The following WDFY4 variants were observed in gnomAD, a reference collection of about 807,000 sequenced individuals.
WDFY4 encodes WD repeat- and FYVE domain-containing protein 4.
WDFY4 carries 169 observed loss-of-function variants against 351.9 expected under a neutral mutation model. The ratio of observed to expected loss-of-function variants is 0.48; its 90% CI spans 0.42 to 0.55. The LOEUF (loss-of-function observed/expected upper bound fraction) is 0.55, where lower values mean the gene tolerates loss of function less well. Ranked by LOEUF, WDFY4 falls within the 20% of genes least tolerant of loss-of-function variation. The probability of loss-of-function intolerance (pLI) is 0.00; values close to 1 mark genes in which losing one functional copy is unlikely to be tolerated. For missense variants in WDFY4, 3,803 were observed against 3,935.6 expected (o/e 0.97, Z 0.90); for synonymous variants, 1,622 against 1,574.6 (o/e 1.03, Z -0.71).
At chr10:48,814,283 G>C (rs946975463) in intron 31 of WDFY4, among the ~76,000 whole-genome samples, 7 of 152,228 alleles carry the variant, frequency 4.6e-5, no homozygotes, top group Admixed American at 3.3e-4. Flanking sequence ...AGCTTTATGT[G>C]CTCTTGCAGG....
rs757315035 is a variant in WDFY4, at chr10:48,910,258, T to C, written c.7586+8395T>C. 5.6e-6 allele frequency: 9 copies of C among 1,613,690 alleles called. No individual in the cohort carries two copies. The African/African-American group carries it at 1.2e-4, about 22-fold the overall frequency. ...TACTCTAGGAAGATGTCAAGCGTATTCTGGGGATGGAGACACAAGAAGGTG... is the reference window on the plus strand; with the variant it reads ...TACTCTAGGAAGATGTCAAGCGTATCCTGGGGATGGAGACACAAGAAGGTG... On this transcript the variant is annotated intron_variant, in intron 47 of 61. Coordinates refer to ENST00000325239, the MANE Select transcript of WDFY4 (RefSeq NM_001394531.1).
chr10:48,939,808 T>C (rs1840658080), intron 47 of WDFY4, among the ~76,000 whole-genome samples: 1 of 152,186 alleles, frequency 6.6e-6, no homozygotes. Flanking sequence ...CCAGAAATAA[T>C]GGAACTTCCT....
intron 50 of WDFY4, 27 bp from the exon 51 acceptor site, chr10:48,946,833 G>A (rs767101488): frequency 3.3e-6 from 5 of 1,522,826 alleles, no homozygotes; most frequent in East Asian, 2.5e-5. Flanking sequence ...TAAGGAAGCA[G>A]CCCTCAAGCA....
intron 12 of WDFY4, among the ~76,000 whole-genome samples, chr10:48,750,895 G>A (rs1030617014): frequency 1.7e-4 from 26 of 152,214 alleles, no homozygotes; most frequent in Admixed American, 5.2e-4. Context: ...AGCTACATCA[G>A]GGACCCCTGT....
intron 12 of WDFY4, among the ~76,000 whole-genome samples, chr10:48,747,942 G>A (rs536492785): frequency 1.3e-5 from 2 of 152,276 alleles, no homozygotes; most frequent in South Asian, 2.1e-4. Context: ...CCTTCTGTAG[G>A]TATGGGAATG....
chr10:48,842,472 G>A (rs558812466), intron 39 of WDFY4, among the ~76,000 whole-genome samples: 4 of 152,116 alleles, frequency 2.6e-5, no homozygotes, highest in Non-Finnish European at 5.9e-5. Context: ...GGTGCGGTCC[G>A]CGGCTGCCCA....
intron 47 of WDFY4, among the ~76,000 whole-genome samples, chr10:48,925,540 G>T (rs1839499028): frequency 6.6e-6 from 1 of 152,174 alleles, no homozygotes; most frequent in Non-Finnish European, 1.5e-5. Flanking sequence ...GATTCCTTGG[G>T]GGTATAAACA....
chr10:48,745,681 G>A, intron 12 of WDFY4: 1 of 573,896 alleles, frequency 1.7e-6, no homozygotes, highest in Admixed American at 2.2e-5. Context: ...CTCCAGGGTG[G>A]CTGTCACTGC....
chr10:48,716,757 G>A (rs949581011), intron 2 of WDFY4, among the ~76,000 whole-genome samples: 1 of 152,226 alleles, frequency 6.6e-6, no homozygotes, highest in Non-Finnish European at 1.5e-5. Context: ...CGATATAGAT[G>A]CTTCTGAGTC....
chr10:48,928,855 C>T (rs1839808661), intron 47 of WDFY4, among the ~76,000 whole-genome samples: 1 of 152,190 alleles, frequency 6.6e-6, no homozygotes, highest in Non-Finnish European at 1.5e-5. Context: ...CTTCCCACAG[C>T]CCTTTGAAGT....
chr10:48,752,691 T>C (rs1428608960), intron 12 of WDFY4, among the ~76,000 whole-genome samples: 2 of 152,268 alleles, frequency 1.3e-5, no homozygotes, highest in Non-Finnish European at 2.9e-5. Flanking sequence ...TTCATTTACA[T>C]TGTAACGTAT....
intron 47 of WDFY4, among the ~76,000 whole-genome samples, chr10:48,927,803 G>A (rs1839699666): frequency 6.6e-6 from 1 of 152,170 alleles, no homozygotes; most frequent in Non-Finnish European, 1.5e-5. Context: ...TTTCTTATTG[G>A]TTTAATAGCA....
rs566700983 is a variant in WDFY4, at chr10:48,734,696, G to A, written c.1687+661G>A. 4.7e-4 allele frequency among the ~76,000 whole-genome samples: 71 copies of A among 152,000 alleles called. No homozygotes were observed. The South Asian group carries it at 0.012, about 27-fold the overall frequency. ...ACATTTAGTCTGCAAAAGGTTCCCCGGAGGTGCTGGCTAAATGCATATTCC... is the reference window on the plus strand; with the variant it reads ...ACATTTAGTCTGCAAAAGGTTCCCCAGAGGTGCTGGCTAAATGCATATTCC... On this transcript the variant is annotated intron_variant, in intron 10 of 61. Coordinates refer to ENST00000325239, the MANE Select transcript of WDFY4 (RefSeq NM_001394531.1).
chr10:48,814,700 T>G (rs1353285022), intron 31 of WDFY4, among the ~76,000 whole-genome samples: 3 of 152,232 alleles, frequency 2.0e-5, no homozygotes, highest in Admixed American at 1.3e-4. Context: ...GAGGCCTGAT[T>G]GTATGGGGAA....
At chr10:48,827,384 TA>T (rs902116829) in intron 36 of WDFY4, among the ~76,000 whole-genome samples, 1 of 151,622 alleles carries the variant, frequency 6.6e-6, no homozygotes, top group Non-Finnish European at 1.5e-5. Context: ...AAATGCTAGT[TA>T]AAAAGCTATT....
intron 27 of WDFY4, 100 bp from the exon 28 acceptor site, chr10:48,807,759 C>A: frequency 1.5e-6 from 2 of 1,349,444 alleles, no homozygotes; most frequent in Non-Finnish European, 1.0e-6. Flanking sequence ...TGCCACAATT[C>A]CTGGGTGAAA....
intron 47 of WDFY4, among the ~76,000 whole-genome samples, chr10:48,938,898 G>T (rs978931580): frequency 6.6e-6 from 1 of 152,200 alleles, no homozygotes; most frequent in South Asian, 2.1e-4. Flanking sequence ...AAGGGTTGAT[G>T]TGATGTCCCC....
At chr10:48,861,149 C>T (rs1036112867) in intron 39 of WDFY4, among the ~76,000 whole-genome samples, 6 of 152,098 alleles carry the variant, frequency 3.9e-5, no homozygotes, top group African/African-American at 1.4e-4. Flanking sequence ...AATATTTTCT[C>T]TACACTCGTT....
In WDFY4 at chr10:48,826,866, C is replaced by T; in HGVS notation, c.6178C>T (p.Leu2060Phe). The change falls in exon 36 of 62, where the codon CTC (leucine) becomes TTC (phenylalanine). Residue 2060 changes from leucine (L) to phenylalanine (F), a missense_variant. Leu to Phe is a conservative substitution (Grantham distance 22, BLOSUM62 0). Transcript: ENST00000325239. ...FATYNSNISFLLCLMHCLLLL... is the reference protein window; with the variant it reads ...FATYNSNISFFLCLMHCLLLL... ...CACCTACAATTCCAACATCAGCTTC[C>T]TCCTGTGTCTCATGCATTGCCTTTT... 6.4e-7 allele frequency: 1 copy of T among 1,551,760 alleles called. No homozygotes were observed. Among genetic ancestry groups the T allele is most frequent in the Non-Finnish European group, 8.7e-7 (1 of 1,147,014 alleles).
Sources: allele counts gnomAD v4.1 joint callset (sites outside exome capture counted in the v4.1 genomes callset), GRCh38; gene constraint gnomAD v4.1.1; transcripts MANE v1.5; gene names NCBI Gene and HGNC (gene_info 2026-07-23, HGNC 2026-07-21).